SPTLC2: variants seen among roughly 807,000 people sequenced by gnomAD.
SPTLC2 encodes the protein serine palmitoyltransferase 2.
In SPTLC2, 21 loss-of-function variants were observed where a neutral mutation model predicts 62.0. The observed-to-expected ratio is 0.34, with a 90% CI of 0.24 to 0.49. The LOEUF (loss-of-function observed/expected upper bound fraction) is 0.49, where lower values mean the gene tolerates loss of function less well. SPTLC2 is among the 20% of genes least tolerant of loss of function. SPTLC2 has a pLI of 0.99. For missense variants in SPTLC2, 511 were observed against 713.0 expected, an observed-to-expected ratio of 0.72 and a Z score of 3.23; for synonymous variants, 261 against 261.8, an observed-to-expected ratio of 1.00 and a Z score of 0.03.
chr14:77,527,162 T>G (rs2079413213), intron 9 of SPTLC2, among the ~76,000 whole-genome samples: 1 of 151,608 alleles, frequency 6.6e-6, no homozygotes, highest in Non-Finnish European at 1.5e-5. Flanking sequence ...AGTGGTGCGA[T>G]CTCAGCTCAC....
intron 6 of SPTLC2, among the ~76,000 whole-genome samples, chr14:77,559,057 C>T (rs910976092): frequency 1.3e-5 from 2 of 152,128 alleles, no homozygotes; most frequent in Admixed American, 6.6e-5. Flanking sequence ...TGGTGGCTCA[C>T]GCCTGTAATC....
At chr14:77,603,328 C>T (rs2079887983) in intron 1 of SPTLC2, among the ~76,000 whole-genome samples, 1 of 152,200 alleles carries the variant, frequency 6.6e-6, no homozygotes, top group Non-Finnish European at 1.5e-5. Context: ...GAACTGTTAT[C>T]ATGCTTTGTC....
At position 77,579,337 on chromosome 14, in the gene SPTLC2, A is replaced by T. The variant is rs568592578; in HGVS notation, c.328-228T>A. ...TCTCATCATCCACCCTCACTCCCTC[A>T]CCCTTCCAAGTCTCCACTGTCTATC... On this transcript the variant is annotated intron_variant, in intron 2 of 11. Coordinates refer to ENST00000216484, the MANE Select transcript of SPTLC2 (RefSeq NM_004863.4). Among the ~76,000 whole-genome samples the T allele has an allele frequency of 2.7e-4, 41 of 152,160 alleles. No individual in the cohort carries two copies. In the South Asian group the frequency reaches 8.1e-3, roughly 30 times the overall value.
intron 8 of SPTLC2, 81 bp downstream of exon 8, chr14:77,555,219 G>A (rs2079576061): frequency 6.4e-6 from 10 of 1,553,104 alleles, no homozygotes; most frequent in Non-Finnish European, 8.9e-6. Context: ...CCAGTTCAGG[G>A]CCCCATCTGC....
At chr14:77,557,373 G>A (rs996254788) in intron 6 of SPTLC2, 22 of 541,916 alleles carry the variant, frequency 4.1e-5, no homozygotes, top group East Asian at 1.6e-4. Flanking sequence ...ACTAAAGGAC[G>A]GTGGTGGCTA....
chr14:77,527,406 G>C (rs2079414593), intron 9 of SPTLC2, among the ~76,000 whole-genome samples: 1 of 152,114 alleles, frequency 6.6e-6, no homozygotes, highest in Non-Finnish European at 1.5e-5. Flanking sequence ...ATGGAGGGTA[G>C]AGGTTGAAGG....
intron 3 of SPTLC2, among the ~76,000 whole-genome samples, chr14:77,578,349 T>G (rs1023564677): frequency 6.6e-6 from 1 of 151,248 alleles, no homozygotes; most frequent in South Asian, 2.1e-4. Flanking sequence ...TTTTTTTTTT[T>G]AAAGTCAAGA....
At chr14:77,538,981 C>A (rs1280361017) in intron 9 of SPTLC2, among the ~76,000 whole-genome samples, 2 of 151,812 alleles carry the variant, frequency 1.3e-5, no homozygotes, top group Non-Finnish European at 2.9e-5. Context: ...TTGGTTTCTT[C>A]ATCTGCAAAA....
chr14:77,582,441 A>G (rs987077338), intron 2 of SPTLC2, among the ~76,000 whole-genome samples: 3 of 152,192 alleles, frequency 2.0e-5, no homozygotes, highest in African/African-American at 7.2e-5. Flanking sequence ...TTCCTTACAG[A>G]CAAATTTTTA....
At chr14:77,524,784 T>C (rs1383161440) in intron 9 of SPTLC2, among the ~76,000 whole-genome samples, 2 of 151,904 alleles carry the variant, frequency 1.3e-5, no homozygotes, top group Non-Finnish European at 2.9e-5. Context: ...TTCTGACTCA[T>C]GTGGGAGCTA....
At chr14:77,539,476 TAAG>T (rs1187875946) in intron 9 of SPTLC2, among the ~76,000 whole-genome samples, 6 of 142,810 alleles carry the variant, frequency 4.2e-5, no homozygotes, top group Non-Finnish European at 7.5e-5. Flanking sequence ...AATTTTATCT[TAAG>T]AGGCTTTTTT....
chr14:77,517,739 CAG>C lies in SPTLC2; in HGVS notation c.1569+297_1569+298del, dbSNP rs147314756. On this transcript the variant is annotated intron_variant, in intron 11 of 11. Transcript: ENST00000216484. The stretch of plus-strand genomic sequence containing the variant: ...AAAGCTCAAGAGAGAAAATTTTAGA[CAG>C]AACAACATATGAGAAAGCTTAATGT... 0.038 allele frequency among the ~76,000 whole-genome samples: 5,827 copies of C among 152,120 alleles called. 143 individuals carry two copies. Among genetic ancestry groups the C allele is most frequent in the Middle Eastern group, 0.072 (21 of 292 alleles).
intron 5 of SPTLC2, among the ~76,000 whole-genome samples, chr14:77,568,605 A>G (rs2079659378): frequency 6.6e-6 from 1 of 152,024 alleles, no homozygotes; most frequent in Non-Finnish European, 1.5e-5. Context: ...TCAGGAGATC[A>G]AGACCATCTT....
intron 9 of SPTLC2, among the ~76,000 whole-genome samples, chr14:77,527,076 G>A (rs1242057571): frequency 6.8e-6 from 1 of 147,168 alleles, no homozygotes; most frequent in East Asian, 2.0e-4. Context: ...TTACAGGCGT[G>A]AGCCACTGCG....
rs1200169627 is a variant in SPTLC2, at chr14:77,562,475, C to T, written c.771G>A (p.Leu257=). 6.2e-7 allele frequency: 1 copy of T among 1,614,080 alleles called. No individual in the cohort carries two copies. The highest frequency in any genetic ancestry group is 1.7e-5 in the Admixed American group (1 of 60,020). The change falls in exon 6 of 12, where the codon CTG becomes CTA. Residue 257 remains leucine, a synonymous_variant. Coordinates refer to ENST00000216484, the MANE Select transcript of SPTLC2 (RefSeq NM_004863.4). ...PALVGKGCLI[L]SDELNHASLV... Reference sequence around the variant, plus strand: ...GTGATGCATGATTCAGTTCATCACTCAGAATCAGGCAACCCTGCAACATCA... The same window carrying T: ...GTGATGCATGATTCAGTTCATCACTTAGAATCAGGCAACCCTGCAACATCA...
At chr14:77,563,086 GT>G (rs11410068) in intron 5 of SPTLC2, among the ~76,000 whole-genome samples, 4 of 147,574 alleles carry the variant, frequency 2.7e-5, no homozygotes, top group Admixed American at 6.8e-5. Context: ...TCTCGGTTTG[GT>G]TTTTTTTTTC....
Position 77,576,780 on chromosome 14 carries a change from A to C in SPTLC2, c.618T>G (p.Thr206=). Residue 206 remains threonine, a synonymous_variant, in exon 4 of 12, where the codon ACT becomes ACG. Coordinates refer to ENST00000216484, the MANE Select transcript of SPTLC2 (RefSeq NM_004863.4). ...LEEYGAGVCS[T]RQEIGNLDKH... ...GCTTTCACTTACCAATTTCCTGCCGAGTACTGCACACTCCAGCTCCATACT... is the reference window on the plus strand; with the variant it reads ...GCTTTCACTTACCAATTTCCTGCCGCGTACTGCACACTCCAGCTCCATACT... 1 of 1,614,224 alleles carries C rather than the reference A, an allele frequency of 6.2e-7. No homozygotes were observed. The highest frequency in any genetic ancestry group is 8.5e-7 in the Non-Finnish European group (1 of 1,180,040).
chr14:77,593,898 G>A (rs758167969), intron 2 of SPTLC2, among the ~76,000 whole-genome samples: 3 of 152,072 alleles, frequency 2.0e-5, no homozygotes, highest in Non-Finnish European at 2.9e-5. Context: ...AAACAAACAT[G>A]ATCTATCACA....
At position 77,572,298 on chromosome 14, in the gene SPTLC2, C is replaced by T. The variant is rs534482260; in HGVS notation, c.632-1790G>A. ...AAATCATCACAAAACAACTGGATAACCAAGAAATAAAAGCTAAAAGCTCAA... is the reference window on the plus strand; with the variant it reads ...AAATCATCACAAAACAACTGGATAATCAAGAAATAAAAGCTAAAAGCTCAA... On this transcript the variant is annotated intron_variant, in intron 4 of 11. Transcript: ENST00000216484. 8.7e-4 allele frequency among the ~76,000 whole-genome samples: 132 copies of T among 151,986 alleles called. 1 individual carries two copies. The highest frequency in any genetic ancestry group is 1.6e-3 in the Non-Finnish European group (106 of 67,994).
Sources: allele counts gnomAD v4.1 joint callset (sites outside exome capture counted in the v4.1 genomes callset), GRCh38; gene constraint gnomAD v4.1.1; transcripts MANE v1.5; gene names NCBI Gene and HGNC (gene_info 2026-07-23, HGNC 2026-07-21).